TCERG1L: variants seen among roughly 807,000 people sequenced by gnomAD.
The protein encoded by TCERG1L is transcription elongation regulator 1 like, also known as transcription elongation regulator 1-like protein.
A neutral mutation model predicts 56.3 loss-of-function variants in TCERG1L; 37 were observed. The observed-to-expected ratio is 0.66, with a 90% confidence interval of 0.51 to 0.87. The LOEUF (loss-of-function observed/expected upper bound fraction) is 0.87, where lower values mean the gene tolerates loss of function less well. Among genes scored for constraint, TCERG1L ranks in the 40% least tolerant of loss-of-function variants. The probability of loss-of-function intolerance (pLI) is 0.00; values close to 1 mark genes in which losing one functional copy is unlikely to be tolerated. For missense variants in TCERG1L, 799 were observed against 774.2 expected, an observed-to-expected ratio of 1.03 and a Z score of -0.38; for synonymous variants, 324 against 326.3, an observed-to-expected ratio of 0.99 and a Z score of 0.08.
In TCERG1L at chr10:131,119,805, G is replaced by A. The variant is rs111830522; in HGVS notation, c.1260-2871C>T. ...TCCTGCTGGTAGAGGCAGCGTCCCCGAGGACACACTAATTGGTGTGCACCA... is the reference window on the plus strand; with the variant it reads ...TCCTGCTGGTAGAGGCAGCGTCCCCAAGGACACACTAATTGGTGTGCACCA... On this transcript the variant is annotated intron_variant, in intron 8 of 11. Transcript: ENST00000368642. Among the ~76,000 whole-genome samples the A allele has an allele frequency of 2.2e-3, 328 of 152,288 alleles. 2 individuals carry two copies. Among genetic ancestry groups the A allele is most frequent in the African/African-American group, 7.4e-3 (309 of 41,556 alleles).
At chr10:131,258,730 G>A (rs907392599) in intron 4 of TCERG1L, among the ~76,000 whole-genome samples, 5 of 152,120 alleles carry the variant, frequency 3.3e-5, no homozygotes, top group East Asian at 3.8e-4. Context: ...TGCTGGCCTC[G>A]TTCTAACTGA....
intron 3 of TCERG1L, among the ~76,000 whole-genome samples, chr10:131,300,335 A>G (rs1043787378): frequency 1.3e-5 from 2 of 152,084 alleles, no homozygotes; most frequent in East Asian, 3.9e-4. Flanking sequence ...TCTTCTACGT[A>G]TTCTCTCCTT....
chr10:131,285,419 G>A (rs1345289575), intron 3 of TCERG1L, among the ~76,000 whole-genome samples: 1 of 108,250 alleles, frequency 9.2e-6, no homozygotes, highest in Non-Finnish European at 2.1e-5. Context: ...AGGAAAGAGA[G>A]AGAGAGAGAA....
At chr10:131,265,353 C>T (rs1220818210) in intron 3 of TCERG1L, among the ~76,000 whole-genome samples, 2 of 152,234 alleles carry the variant, frequency 1.3e-5, no homozygotes, top group Non-Finnish European at 2.9e-5. Context: ...AATTTTAACA[C>T]TCTGATTCAT....
chr10:131,135,670 C>G (rs1329905295), intron 7 of TCERG1L, among the ~76,000 whole-genome samples: 1 of 152,216 alleles, frequency 6.6e-6, no homozygotes, highest in African/African-American at 2.4e-5. Flanking sequence ...CTGAGCTGCC[C>G]AGGCAGCTCA....
At chr10:131,310,705 C>T (rs1162235758) in intron 1 of TCERG1L, among the ~76,000 whole-genome samples, 9 of 152,170 alleles carry the variant, frequency 5.9e-5, no homozygotes, top group Admixed American at 4.6e-4. Context: ...TGGTGGACTC[C>T]GGCAGGCCTG....
chr10:131,167,155 G>A (rs573386513), intron 4 of TCERG1L, among the ~76,000 whole-genome samples: 4 of 152,270 alleles, frequency 2.6e-5, no homozygotes, highest in South Asian at 4.2e-4. Context: ...CCGACCTCCC[G>A]GCATCCCTCT....
Position 131,309,239 on chromosome 10 carries a change from C to A in TCERG1L, c.403G>T (p.Val135Leu), listed in dbSNP as rs769116721. 4 of 1,606,608 alleles carry A rather than the reference C, an allele frequency of 2.5e-6. No individual in the cohort carries two copies. The South Asian group carries it at 3.3e-5, about 13-fold the overall frequency. ...GGGCAGAGATGTGGGAAGACGGGCA[C>A]CAGCTCCACTGTGGAAGAGGGGGGC... The part of the protein sequence containing the change: ...GLPPSSTVEL[V>L]PVFPHLCPSA... The change falls in exon 2 of 12, where the codon GTG (valine) becomes TTG (leucine). Residue 135 changes from valine to leucine, a missense_variant. Coordinates refer to ENST00000368642, the MANE Select transcript of TCERG1L (RefSeq NM_174937.4).
chr10:131,273,431 TG>T (rs1359841128), intron 3 of TCERG1L, among the ~76,000 whole-genome samples: 1 of 152,194 alleles, frequency 6.6e-6, no homozygotes, highest in Admixed American at 6.5e-5. Context: ...CGGGCTTTGC[TG>T]CCACAAACTC....
chr10:131,205,379 A>AC (rs11377562), intron 4 of TCERG1L, among the ~76,000 whole-genome samples: 2 of 148,258 alleles, frequency 1.3e-5, no homozygotes, highest in South Asian at 2.1e-4. Context: ...AAAAAAAAAA[A>AC]CAGCAATAAA....
intron 9 of TCERG1L, among the ~76,000 whole-genome samples, chr10:131,107,071 A>C: frequency 7.1e-6 from 1 of 141,324 alleles, no homozygotes; most frequent in Non-Finnish European, 1.5e-5. Context: ...GCTGGGACTC[A>C]GGGCGAGGTG....
intron 4 of TCERG1L, among the ~76,000 whole-genome samples, chr10:131,234,309 G>C (rs1845889121): frequency 6.6e-6 from 1 of 152,188 alleles, no homozygotes; most frequent in Admixed American, 6.5e-5. Context: ...ATACTTCATA[G>C]TAAGATAGGC....
intron 5 of TCERG1L, among the ~76,000 whole-genome samples, chr10:131,165,392 T>C (rs1846020184): frequency 6.6e-6 from 1 of 152,250 alleles, no homozygotes; most frequent in Non-Finnish European, 1.5e-5. Flanking sequence ...GACATTTTGG[T>C]ATTTTACACA....
intron 11 of TCERG1L, among the ~76,000 whole-genome samples, chr10:131,096,427 G>A (rs1845247572): frequency 7.2e-6 from 1 of 138,138 alleles, no homozygotes; most frequent in African/African-American, 2.7e-5. Flanking sequence ...TTGTGATGAA[G>A]ATAATTCATG....
At chr10:131,251,846 G>A (rs1289608292) in intron 4 of TCERG1L, among the ~76,000 whole-genome samples, 1 of 152,094 alleles carries the variant, frequency 6.6e-6, no homozygotes, top group African/African-American at 2.4e-5. Flanking sequence ...AAACACATTG[G>A]CAGTACTTAA....
chr10:131,112,387 CT>C (rs1362463281), intron 9 of TCERG1L, among the ~76,000 whole-genome samples: 1 of 142,550 alleles, frequency 7.0e-6, no homozygotes, highest in Non-Finnish European at 1.6e-5. Context: ...CCAGGACTTT[CT>C]CCCCCTGTCC....
At chr10:131,269,544 G>C (rs1299987107) in intron 3 of TCERG1L, among the ~76,000 whole-genome samples, 1 of 152,208 alleles carries the variant, frequency 6.6e-6, no homozygotes, top group Admixed American at 6.5e-5. Context: ...CCCAAGGAGA[G>C]GGAGAAGGAT....
intron 3 of TCERG1L, among the ~76,000 whole-genome samples, chr10:131,302,118 C>T (rs1846768345): frequency 1.3e-5 from 2 of 152,020 alleles, no homozygotes; most frequent in South Asian, 4.1e-4. Context: ...TCTTGCGAGG[C>T]ATAAATTGCT....
intron 6 of TCERG1L, among the ~76,000 whole-genome samples, chr10:131,152,286 A>C (rs747589475): frequency 6.6e-6 from 1 of 152,138 alleles, no homozygotes; most frequent in African/African-American, 2.4e-5. Flanking sequence ...CTTCCACCAG[A>C]CACCCTAAAT....
Sources: allele counts gnomAD v4.1 joint callset (sites outside exome capture counted in the v4.1 genomes callset), GRCh38; gene constraint gnomAD v4.1.1; transcripts MANE v1.5; gene names NCBI Gene and HGNC (gene_info 2026-07-23, HGNC 2026-07-21).